GNAO1: variants seen among roughly 807,000 people sequenced by gnomAD.
GNAO1 encodes the protein guanine nucleotide-binding protein G(o) subunit alpha.
For missense variants in GNAO1, 166 were observed against 478.7 expected (o/e 0.35, Z 6.10); for synonymous variants, 164 against 180.7 (o/e 0.91, Z 0.74).
intron 2 of GNAO1, among the ~76,000 whole-genome samples, chr16:56,223,635 G>A (rs1415064353): frequency 3.9e-5 from 6 of 152,136 alleles, no homozygotes; most frequent in African/African-American, 1.4e-4. Flanking sequence ...TGACTTCTTG[G>A]TTTAAGTGGG....
chr16:56,205,008 C>G (rs1489077842), intron 2 of GNAO1, among the ~76,000 whole-genome samples: 1 of 152,114 alleles, frequency 6.6e-6, no homozygotes, highest in African/African-American at 2.4e-5. Context: ...CCCTTGGCCA[C>G]CCCCAACTGA....
chr16:56,255,620 G>T (rs1412038255), intron 2 of GNAO1: 2 of 152,006 alleles, frequency 1.3e-5, no homozygotes, highest in African/African-American at 4.8e-5. Context: ...TTTTCTTGTC[G>T]TCCTTCCTGG....
intron 2 of GNAO1, 25 bp from the exon 3 acceptor site, chr16:56,275,906 T>C: frequency 1.2e-6 from 2 of 1,603,124 alleles, no homozygotes; most frequent in Non-Finnish European, 1.7e-6. Flanking sequence ...TCTCATCAGG[T>C]GTGGTGTGTG....
intron 2 of GNAO1, chr16:56,235,454 C>T: frequency 2.2e-6 from 1 of 454,790 alleles, no homozygotes; most frequent in Non-Finnish European, 4.4e-6. Flanking sequence ...TCTGCTGCTG[C>T]AGCCTGTGCC....
chr16:56,329,469 T>A (rs902046351), intron 4 of GNAO1, among the ~76,000 whole-genome samples: 7 of 151,026 alleles, frequency 4.6e-5, no homozygotes, highest in Middle Eastern at 3.3e-3. Flanking sequence ...TCACAGCAGG[T>A]CACAGGTCCA....
At chr16:56,313,191 A>G (rs2037476481) in intron 3 of GNAO1, among the ~76,000 whole-genome samples, 1 of 152,328 alleles carries the variant, frequency 6.6e-6, no homozygotes, top group African/African-American at 2.4e-5. Flanking sequence ...CTTTGGCAGA[A>G]CTTATGAAGA....
chr16:56,251,223 C>G (rs2036797012), intron 2 of GNAO1, among the ~76,000 whole-genome samples: 1 of 152,176 alleles, frequency 6.6e-6, no homozygotes, highest in South Asian at 2.1e-4. Context: ...GTTATTTGTC[C>G]AGGACCATCT....
chr16:56,355,188 AAAG>A, intron 8 of GNAO1, 107 bp downstream of exon 8: 1 of 372,252 alleles, frequency 2.7e-6, no homozygotes, highest in Non-Finnish European at 4.8e-6. Flanking sequence ...AATAAACTTT[AAAG>A]AGGCATAACA....
chr16:56,294,536 G>A (rs1383067609), intron 3 of GNAO1, among the ~76,000 whole-genome samples: 1 of 152,082 alleles, frequency 6.6e-6, no homozygotes, highest in African/African-American at 2.4e-5. Flanking sequence ...CATTTCACTT[G>A]TTTCCATTCT....
intron 2 of GNAO1, among the ~76,000 whole-genome samples, chr16:56,253,953 T>C (rs1237477689): frequency 3.3e-5 from 5 of 152,270 alleles, no homozygotes; most frequent in Non-Finnish European, 7.3e-5. Flanking sequence ...GGGCATTTTT[T>C]ATAATGTTAA....
At chr16:56,208,333 A>G (rs1369446854) in intron 2 of GNAO1, among the ~76,000 whole-genome samples, 2 of 152,104 alleles carry the variant, frequency 1.3e-5, no homozygotes, top group Admixed American at 1.3e-4. Flanking sequence ...AGCTGTGACT[A>G]TACTGTAATT....
intron 2 of GNAO1, among the ~76,000 whole-genome samples, chr16:56,250,186 C>T (rs189396680): frequency 2.2e-4 from 33 of 152,176 alleles, no homozygotes; most frequent in Admixed American, 1.4e-3. Flanking sequence ...GACAAGTTGG[C>T]GGGGTTGATG....
At chr16:56,343,624 C>A in intron 6 of GNAO1, 1 of 624,408 alleles carries the variant, frequency 1.6e-6, no homozygotes. Flanking sequence ...CCCTCAGGTC[C>A]CCTCCATCAG....
At chr16:56,248,894 A>C (rs1596820015) in intron 2 of GNAO1, among the ~76,000 whole-genome samples, 1 of 152,290 alleles carries the variant, frequency 6.6e-6, no homozygotes, top group East Asian at 1.9e-4. Context: ...GCCCATGGGA[A>C]GTGTTGATCT....
rs148171222 is a variant in GNAO1, at chr16:56,284,249, C to T, written c.303+8177C>T. On this transcript the variant is annotated intron_variant, in intron 3 of 8. Coordinates refer to ENST00000262493, the MANE Select transcript of GNAO1 (RefSeq NM_020988.3). ...GCCAGCCCCAGAATGAGAAGGTAAA[C>T]GCCTTGGTTTCCAGGGCTTCTCCCA... 5.8e-4 allele frequency among the ~76,000 whole-genome samples: 88 copies of T among 152,334 alleles called. 2 individuals are homozygous for T. The highest frequency in any genetic ancestry group is 1.5e-3 in the African/African-American group (64 of 41,584).
chr16:56,193,894 C>T (rs1349293026), intron 2 of GNAO1: 4 of 358,268 alleles, frequency 1.1e-5, no homozygotes, highest in Non-Finnish European at 1.6e-5. Flanking sequence ...GGTTGCTGTG[C>T]AGTAAACAAA....
intron 2 of GNAO1, among the ~76,000 whole-genome samples, chr16:56,229,536 C>G (rs1258834174): frequency 1.3e-5 from 2 of 152,076 alleles, no homozygotes; most frequent in Admixed American, 6.6e-5. Flanking sequence ...CATGTGAAAA[C>G]AAGTACTGGG....
chr16:56,247,246 T>C (rs1309880694), intron 2 of GNAO1, among the ~76,000 whole-genome samples: 1 of 152,216 alleles, frequency 6.6e-6, no homozygotes, highest in Non-Finnish European at 1.5e-5. Flanking sequence ...GCTGTCTCCC[T>C]GTCTTGGGGT....
chr16:56,331,810 C>T (rs62038122), intron 4 of GNAO1, among the ~76,000 whole-genome samples: 4,363 of 152,342 alleles, frequency 0.029, 96 homozygotes, highest in Non-Finnish European at 0.042. Context: ...AGCCCTCCCT[C>T]CTGACTTCTG....
Sources: allele counts gnomAD v4.1 joint callset (sites outside exome capture counted in the v4.1 genomes callset), GRCh38; gene constraint gnomAD v4.1.1; transcripts MANE v1.5; gene names NCBI Gene and HGNC (gene_info 2026-07-23, HGNC 2026-07-21).